GLIS1: variants seen among roughly 807,000 people sequenced by gnomAD.
GLIS1 encodes the protein zinc finger protein GLIS1.
Under a neutral mutation model 63.8 loss-of-function variants are expected in GLIS1, and 24 were observed. That is an observed-to-expected ratio of 0.38 (90% CI 0.27 to 0.53). The LOEUF (loss-of-function observed/expected upper bound fraction) is 0.53, where lower values mean the gene tolerates loss of function less well. Ranked by LOEUF, GLIS1 falls within the 20% of genes least tolerant of loss-of-function variation. The probability of loss-of-function intolerance (pLI) is 0.85; values close to 1 mark genes in which losing one functional copy is unlikely to be tolerated. For synonymous variants in GLIS1, 450 were observed against 482.5 expected (o/e 0.93, Z 0.88); for missense variants, 1,036 against 1,074.1 (o/e 0.96, Z 0.50).
chr1:53,632,182 T>C (rs1473768296), intron 2 of GLIS1, among the ~76,000 whole-genome samples: 1 of 131,534 alleles, frequency 7.6e-6, no homozygotes, highest in Non-Finnish European at 1.6e-5. Flanking sequence ...GGTATGTGAA[T>C]GAGTGACTGA....
At chr1:53,517,837 A>G (rs1213766115) in intron 7 of GLIS1, among the ~76,000 whole-genome samples, 1 of 152,144 alleles carries the variant, frequency 6.6e-6, no homozygotes, top group African/African-American at 2.4e-5. Context: ...CGGCCTGTCC[A>G]GCCTCCACAC....
intron 4 of GLIS1, among the ~76,000 whole-genome samples, chr1:53,585,486 G>A (rs1298770697): frequency 6.7e-6 from 1 of 148,302 alleles, no homozygotes; most frequent in Non-Finnish European, 1.5e-5. Context: ...AGTAAGAAGG[G>A]AAAGGGGTGG....
chr1:53,695,946 T>C (rs894039419), intron 2 of GLIS1, among the ~76,000 whole-genome samples: 18 of 152,226 alleles, frequency 1.2e-4, no homozygotes, highest in African/African-American at 3.9e-4. Flanking sequence ...CTGGCCCTCT[T>C]TGGCCCCTAG....
Position 53,734,720 on chromosome 1 carries a change from T to C in GLIS1, c.259+3086A>G, listed in dbSNP as rs553618935. 4.8e-4 allele frequency among the ~76,000 whole-genome samples: 73 copies of C among 152,342 alleles called. 1 individual carries two copies. Among genetic ancestry groups the C allele is most frequent in the Non-Finnish European group, 7.2e-4 (49 of 68,034 alleles). On this transcript the variant is annotated intron_variant, in intron 2 of 10. Transcript: ENST00000628545. ...ATGTGTGGGAACACGCTCTGAACAC[T>C]GTAAAGCACCGTGCACAGAGAACAA...
chr1:53,597,358 G>T (rs1050085255), intron 3 of GLIS1, among the ~76,000 whole-genome samples: 20 of 144,448 alleles, frequency 1.4e-4, no homozygotes, highest in African/African-American at 4.9e-4. Context: ...GGGCGACACA[G>T]CGAGACCCAG....
intron 2 of GLIS1, among the ~76,000 whole-genome samples, chr1:53,630,434 C>A (rs1027118998): frequency 6.6e-6 from 1 of 152,092 alleles, no homozygotes; most frequent in East Asian, 1.9e-4. Context: ...TGTCAAACTG[C>A]CCTCCAGAAA....
chr1:53,578,948 C>T (rs1645058315), intron 4 of GLIS1, among the ~76,000 whole-genome samples: 1 of 151,968 alleles, frequency 6.6e-6, no homozygotes, highest in African/African-American at 2.4e-5. Context: ...GCAAGCAGCC[C>T]CAGGATCTGC....
At chr1:53,679,370 G>A (rs1274375314) in intron 2 of GLIS1, among the ~76,000 whole-genome samples, 1 of 152,230 alleles carries the variant, frequency 6.6e-6, no homozygotes, top group African/African-American at 2.4e-5. Flanking sequence ...TGTTTACTGA[G>A]ACAATCCGAG....
At position 53,560,877 on chromosome 1, in the gene GLIS1, C is replaced by T. The variant is rs527288711; in HGVS notation, c.1321-30925G>A. 6.6e-6 allele frequency among the ~76,000 whole-genome samples: 1 copy of T among 152,282 alleles called. No homozygotes were observed. Among genetic ancestry groups the T allele is most frequent in the East Asian group, 1.9e-4 (1 of 5,164 alleles). On this transcript the variant is annotated intron_variant, in intron 4 of 10. Transcript: ENST00000628545. The surrounding 1 kb of genome is among the most constrained non-coding windows in gnomAD (Gnocchi z 4.4). ...CACACTTTTTCCTGCCCCATCCTGC[C>T]CTGCCACTGGTATCCCACCCCGCCC...
chr1:53,513,614 CCTT>C (rs1392300150), intron 8 of GLIS1, among the ~76,000 whole-genome samples: 2 of 152,224 alleles, frequency 1.3e-5, no homozygotes, highest in African/African-American at 4.8e-5. Flanking sequence ...GCTCCACAGC[CCTT>C]CTGCTTCCTT....
At chr1:53,698,703 T>A (rs1488044842) in intron 2 of GLIS1, among the ~76,000 whole-genome samples, 1 of 152,194 alleles carries the variant, frequency 6.6e-6, no homozygotes, top group Non-Finnish European at 1.5e-5. Context: ...TGGGCAGAGC[T>A]TCCAGCCAGG....
intron 2 of GLIS1, among the ~76,000 whole-genome samples, chr1:53,678,236 G>A (rs75340393): frequency 0.011 from 1,702 of 151,418 alleles, 25 homozygotes; most frequent in African/African-American, 0.04. Flanking sequence ...GCTGCAGCTC[G>A]CCGCAGATGC....
At chr1:53,622,150 G>A (rs1266353860) in intron 2 of GLIS1, among the ~76,000 whole-genome samples, 1 of 151,836 alleles carries the variant, frequency 6.6e-6, no homozygotes, top group African/African-American at 2.4e-5. Context: ...AAGATATTCC[G>A]GGCACAGTGG....
chr1:53,534,954 C>T (rs1644568177), intron 4 of GLIS1, among the ~76,000 whole-genome samples: 1 of 151,978 alleles, frequency 6.6e-6, no homozygotes, highest in South Asian at 2.1e-4. Context: ...AGGAGCTCAG[C>T]CCTGACACCC....
In GLIS1 at chr1:53,511,281, C is replaced by T. The variant is rs1239449857; in HGVS notation, c.1884-1254G>A. 5.3e-5 allele frequency among the ~76,000 whole-genome samples: 8 copies of T among 152,272 alleles called. No homozygotes were observed. The East Asian group carries it at 1.5e-3, about 29-fold the overall frequency. Reference sequence around the variant, plus strand: ...TCAATGTCACAGCTCCAGGTGACCTCGTGACCCTTGCCCACCCTCTGAGAC... The same window carrying T: ...TCAATGTCACAGCTCCAGGTGACCTTGTGACCCTTGCCCACCCTCTGAGAC... On this transcript the variant is annotated intron_variant, in intron 8 of 10. Transcript: ENST00000628545. This position sits in a 1 kb window ranked among gnomAD's most constrained non-coding sequence, Gnocchi z 4.2.
At chr1:53,575,880 CAGG>C (rs994328491) in intron 4 of GLIS1, among the ~76,000 whole-genome samples, 6 of 152,088 alleles carry the variant, frequency 3.9e-5, no homozygotes, top group African/African-American at 1.5e-4. Flanking sequence ...CATGCACAGT[CAGG>C]AGGAGATCAA....
chr1:53,587,223 T>C (rs1645144969), intron 4 of GLIS1, among the ~76,000 whole-genome samples: 1 of 152,118 alleles, frequency 6.6e-6, no homozygotes, highest in Non-Finnish European at 1.5e-5. Flanking sequence ...TGGGTTGCTG[T>C]TAATGTACCG....
At chr1:53,519,169 C>T (rs1644381855) in intron 7 of GLIS1, among the ~76,000 whole-genome samples, 2 of 152,188 alleles carry the variant, frequency 1.3e-5, no homozygotes. Context: ...CGGTCCCTTC[C>T]AGCCCTGCCA....
At chr1:53,720,071 G>A (rs1646738438) in intron 2 of GLIS1, among the ~76,000 whole-genome samples, 2 of 152,182 alleles carry the variant, frequency 1.3e-5, no homozygotes, top group African/African-American at 4.8e-5. Flanking sequence ...AGCTACTCAG[G>A]AGTCTGAGGC....
Sources: allele counts gnomAD v4.1 joint callset (sites outside exome capture counted in the v4.1 genomes callset), GRCh38; gene constraint gnomAD v4.1.1; non-coding constraint Gnocchi (gnomAD v3.1); transcripts MANE v1.5; gene names NCBI Gene and HGNC (gene_info 2026-07-23, HGNC 2026-07-21).